The following MAGI2 variants were observed in gnomAD, a reference collection of about 807,000 sequenced individuals.
The protein encoded by MAGI2 is membrane-associated guanylate kinase, WW and PDZ domain-containing protein 2.
A neutral mutation model predicts 133.3 loss-of-function variants in MAGI2; 35 were observed. The observed-to-expected ratio is 0.26, with a 90% confidence interval of 0.20 to 0.35. The LOEUF (loss-of-function observed/expected upper bound fraction) is 0.35, where lower values mean the gene tolerates loss of function less well. Ranked by LOEUF, MAGI2 falls within the 10% of genes least tolerant of loss-of-function variation. The pLI, the probability that MAGI2 is intolerant of heterozygous loss-of-function variation, is 1.00. For missense variants in MAGI2, 1,636 were observed against 1,863.4 expected, an observed-to-expected ratio of 0.88 and a Z score of 2.25; for synonymous variants, 729 against 710.6, an observed-to-expected ratio of 1.03 and a Z score of -0.41.
In MAGI2 at chr7:78,256,129, C is replaced by A; in HGVS notation, c.1861G>T (p.Asp621Tyr). 3 of 1,613,798 alleles carry A rather than the reference C, an allele frequency of 1.9e-6. No individual in the cohort carries two copies. Among genetic ancestry groups the A allele is most frequent in the Non-Finnish European group, 2.5e-6 (3 of 1,179,916 alleles). ...TTCACCCGCTGTCCTGTAGGACTGT[C>A]GGCAATAGTGAAGCCGAAGCCCTGG... ...GAQGFGFTIA[D>Y]SPTGQRVKQI... The change falls in exon 10 of 22, where the codon GAC becomes TAC. Residue 621 changes from aspartate (D) to tyrosine (Y), a missense_variant. Physicochemically the swap from Asp to Tyr is radical, Grantham distance 160. Around this residue, in one of 5 missense-constraint regions of MAGI2, gnomAD observed 920 missense variants for 1,093.5 expected, o/e 0.84. Coordinates refer to ENST00000354212, the MANE Select transcript of MAGI2 (RefSeq NM_012301.4).
At chr7:79,443,948 G>C (rs960760035) in intron 1 of MAGI2, among the ~76,000 whole-genome samples, 1 of 152,110 alleles carries the variant, frequency 6.6e-6, no homozygotes, top group East Asian at 1.9e-4. Flanking sequence ...ATATGCATGT[G>C]TTTCACTATA....
intron 6 of MAGI2, among the ~76,000 whole-genome samples, chr7:78,463,408 A>T (rs9649305): frequency 6.6e-6 from 1 of 152,160 alleles, no homozygotes; most frequent in Non-Finnish European, 1.5e-5. Flanking sequence ...TGTTAAAAGA[A>T]CCAACCCAGA....
chr7:79,430,790 A>T (rs1367265811), intron 1 of MAGI2, among the ~76,000 whole-genome samples: 1 of 152,228 alleles, frequency 6.6e-6, no homozygotes, highest in Non-Finnish European at 1.5e-5. Flanking sequence ...AGATGAGGAC[A>T]ATGGCCTAAT....
intron 10 of MAGI2, among the ~76,000 whole-genome samples, chr7:78,225,014 T>A (rs936699387): frequency 1.4e-4 from 22 of 152,130 alleles, no homozygotes; most frequent in Non-Finnish European, 2.9e-4. Context: ...CAGAATTGGC[T>A]CTGCTGGCCC....
At position 78,058,617 on chromosome 7, in the gene MAGI2, G is replaced by A. The variant is rs139908499; in HGVS notation, c.3706+20330C>T. ...CTCCTGGGTAGCTGGGACTACAGGCGCCTGCCACCACGCCCAGCTAATTGT... is the reference window on the plus strand; with the variant it reads ...CTCCTGGGTAGCTGGGACTACAGGCACCTGCCACCACGCCCAGCTAATTGT... On this transcript the variant is annotated intron_variant, in intron 21 of 21. Coordinates refer to ENST00000354212, the MANE Select transcript of MAGI2 (RefSeq NM_012301.4). 9.3e-3 allele frequency among the ~76,000 whole-genome samples: 1,411 copies of A among 151,956 alleles called. 21 individuals are homozygous for A. Among genetic ancestry groups the A allele is most frequent in the African/African-American group, 0.032 (1,338 of 41,434 alleles).
chr7:78,888,330 A>T (rs896481982), intron 2 of MAGI2, among the ~76,000 whole-genome samples: 2 of 152,234 alleles, frequency 1.3e-5, no homozygotes, highest in Non-Finnish European at 2.9e-5. Flanking sequence ...AAAAGGCAGC[A>T]GAAACCTCTG....
At chr7:78,389,328 T>G (rs1053130622) in intron 6 of MAGI2, among the ~76,000 whole-genome samples, 1 of 152,188 alleles carries the variant, frequency 6.6e-6, no homozygotes, top group Non-Finnish European at 1.5e-5. Flanking sequence ...ACACAAAGAA[T>G]GTACTATTCC....
chr7:78,761,465 G>T (rs976841374), intron 2 of MAGI2, among the ~76,000 whole-genome samples: 4 of 146,504 alleles, frequency 2.7e-5, no homozygotes, highest in Admixed American at 6.9e-5. Flanking sequence ...TGTAGATTCT[G>T]ATTTTTTTTT....
intron 9 of MAGI2, among the ~76,000 whole-genome samples, chr7:78,342,809 G>A (rs955727039): frequency 1.3e-5 from 2 of 152,114 alleles, no homozygotes; most frequent in Admixed American, 1.3e-4. Context: ...GGGCCTGTTG[G>A]TAGATGGGGG....
At chr7:78,631,581 C>T (rs889390921) in intron 2 of MAGI2, among the ~76,000 whole-genome samples, 5 of 152,118 alleles carry the variant, frequency 3.3e-5, no homozygotes, top group African/African-American at 1.2e-4. Flanking sequence ...ACAGAGAACG[C>T]CATGGTTCTA....
intron 2 of MAGI2, among the ~76,000 whole-genome samples, chr7:78,992,009 C>T (rs973731193): frequency 6.6e-6 from 1 of 151,962 alleles, no homozygotes; most frequent in Non-Finnish European, 1.5e-5. Flanking sequence ...ATTCCAAGAA[C>T]TATATTTGTA....
At chr7:78,408,483 G>C (rs1478202248) in intron 6 of MAGI2, among the ~76,000 whole-genome samples, 1 of 152,016 alleles carries the variant, frequency 6.6e-6, no homozygotes, top group Non-Finnish European at 1.5e-5. Flanking sequence ...CCTGAGAAAA[G>C]GAGGGATGGA....
chr7:79,387,883 T>G (rs958673945), intron 1 of MAGI2, among the ~76,000 whole-genome samples: 1 of 151,990 alleles, frequency 6.6e-6, no homozygotes, highest in Non-Finnish European at 1.5e-5. Flanking sequence ...GTCAAATATT[T>G]AAATTCGTAT....
intron 21 of MAGI2, among the ~76,000 whole-genome samples, chr7:78,071,746 A>G (rs1814733051): frequency 6.6e-6 from 1 of 152,050 alleles, no homozygotes; most frequent in Non-Finnish European, 1.5e-5. Context: ...GTGCTTTATC[A>G]TTTTCTATTG....
intron 1 of MAGI2, among the ~76,000 whole-genome samples, chr7:79,191,416 T>G: frequency 9.3e-6 from 1 of 108,012 alleles, no homozygotes; most frequent in African/African-American, 4.1e-5. Flanking sequence ...TTTTTTTTTT[T>G]TTTTTTTTTT....
chr7:78,471,625 T>C (rs537770074), intron 6 of MAGI2, among the ~76,000 whole-genome samples: 2 of 152,212 alleles, frequency 1.3e-5, no homozygotes, highest in African/African-American at 2.4e-5. Context: ...TGATACAGTT[T>C]ACTTAATAAT....
intron 2 of MAGI2, among the ~76,000 whole-genome samples, chr7:78,938,122 GA>G (rs1198275670): frequency 2.6e-5 from 4 of 151,994 alleles, no homozygotes; most frequent in East Asian, 3.9e-4. Flanking sequence ...AAAAGTCGGG[GA>G]AAAATTACCA....
intron 1 of MAGI2, among the ~76,000 whole-genome samples, chr7:79,080,421 A>G (rs1025734369): frequency 2.0e-5 from 3 of 152,204 alleles, no homozygotes; most frequent in African/African-American, 7.2e-5. Flanking sequence ...ACGACCAGGT[A>G]AAATAAATAA....
chr7:79,353,009 G>T (rs2129111845), intron 1 of MAGI2, among the ~76,000 whole-genome samples: 1 of 152,152 alleles, frequency 6.6e-6, no homozygotes, highest in South Asian at 2.1e-4. Context: ...TGTGAGGTAG[G>T]TTCTCTTATC....
Sources: gnomAD v4.1 joint callset for allele counts (sites outside exome capture counted in the v4.1 genomes callset) on GRCh38, gnomAD v4.1.1 for gene constraint, gnomAD v4.1.1 regional missense constraint, MANE v1.5 for transcripts, NCBI Gene and HGNC (gene_info 2026-07-23, HGNC 2026-07-21) for gene names.